Variants in GPC6 observed in about 807,000 individuals in gnomAD.
GPC6 encodes glypican-6.
GPC6 carries 14 observed loss-of-function variants against 55.2 expected under a neutral mutation model. The ratio of observed to expected loss-of-function variants is 0.25; its 90% CI spans 0.17 to 0.40. The LOEUF (loss-of-function observed/expected upper bound fraction) is 0.40, where lower values mean the gene tolerates loss of function less well. Ranked by LOEUF, GPC6 falls within the 10% of genes least tolerant of loss-of-function variation. The pLI is 1.00. For missense variants in GPC6, 641 were observed against 708.5 expected, an observed-to-expected ratio of 0.90 and a Z score of 1.08; for synonymous variants, 278 against 259.6, an observed-to-expected ratio of 1.07 and a Z score of -0.68.
At chr13:93,484,429 A>G (rs1879629809) in intron 1 of GPC6, among the ~76,000 whole-genome samples, 1 of 152,162 alleles carries the variant, frequency 6.6e-6, no homozygotes, top group African/African-American at 2.4e-5. Context: ...AAGGCTGTAT[A>G]TTCTGAAAGA....
At chr13:94,260,656 A>G (rs531850002) in intron 4 of GPC6, among the ~76,000 whole-genome samples, 85 of 152,276 alleles carry the variant, frequency 5.6e-4, no homozygotes, top group African/African-American at 2.0e-3. Flanking sequence ...GGAAGTTAGG[A>G]CTTCAGCATA....
intron 2 of GPC6, among the ~76,000 whole-genome samples, chr13:93,797,053 G>A (rs1389415776): frequency 6.6e-6 from 1 of 152,234 alleles, no homozygotes; most frequent in East Asian, 1.9e-4. Context: ...TTTTTCTTAA[G>A]TGAAAAGTAG....
intron 3 of GPC6, among the ~76,000 whole-genome samples, chr13:93,952,839 C>A (rs913986869): frequency 6.9e-6 from 1 of 144,800 alleles, no homozygotes; most frequent in Non-Finnish European, 1.5e-5. Context: ...ACGTATATAT[C>A]ACACATATAT....
chr13:93,334,140 G>C (rs1021717526), intron 1 of GPC6, among the ~76,000 whole-genome samples: 2 of 152,036 alleles, frequency 1.3e-5, no homozygotes, highest in Admixed American at 1.3e-4. Flanking sequence ...TAGTCCATCT[G>C]TTCCCTACCC....
At chr13:94,215,908 A>G (rs1890212585) in intron 4 of GPC6, among the ~76,000 whole-genome samples, 2 of 152,200 alleles carry the variant, frequency 1.3e-5, no homozygotes, top group Admixed American at 1.3e-4. Context: ...TAAAATAACC[A>G]TCAATATTTC....
At chr13:93,282,029 A>G (rs973110221) in intron 1 of GPC6, among the ~76,000 whole-genome samples, 9 of 152,210 alleles carry the variant, frequency 5.9e-5, no homozygotes, top group African/African-American at 2.2e-4. Context: ...TTATATGTGT[A>G]CTGATAAAGC....
chr13:94,358,531 A>G (rs192573499), intron 6 of GPC6, among the ~76,000 whole-genome samples: 3 of 152,320 alleles, frequency 2.0e-5, no homozygotes, highest in Admixed American at 6.5e-5. Flanking sequence ...ACAAAGTTGA[A>G]GTCACAGGGT....
At chr13:93,542,719 C>G (rs878975350) in intron 1 of GPC6, among the ~76,000 whole-genome samples, 2 of 152,114 alleles carry the variant, frequency 1.3e-5, no homozygotes, top group Admixed American at 1.3e-4. Flanking sequence ...ATTTGTAGTT[C>G]TCCTTGAAGA....
chr13:93,515,684 A>G (rs1403559983), intron 1 of GPC6, among the ~76,000 whole-genome samples: 4 of 152,204 alleles, frequency 2.6e-5, no homozygotes, highest in Non-Finnish European at 4.4e-5. Flanking sequence ...AAATATATTC[A>G]TTCTTACTAG....
At chr13:94,396,494 C>A (rs1172724168) in intron 7 of GPC6, among the ~76,000 whole-genome samples, 1 of 152,222 alleles carries the variant, frequency 6.6e-6, no homozygotes, top group Non-Finnish European at 1.5e-5. Context: ...CCAACTCACT[C>A]CTGCAGCTTC....
intron 2 of GPC6, among the ~76,000 whole-genome samples, chr13:93,600,484 G>C (rs1474654790): frequency 6.6e-6 from 1 of 152,258 alleles, no homozygotes; most frequent in East Asian, 1.9e-4. Flanking sequence ...CTTTCTAAGA[G>C]TGGGGAAATA....
At chr13:93,878,934 A>G (rs142554710) in intron 3 of GPC6, among the ~76,000 whole-genome samples, 48 of 152,282 alleles carry the variant, frequency 3.2e-4, no homozygotes, top group Middle Eastern at 3.4e-3. Flanking sequence ...AGCAAGAATT[A>G]GGAAAAGCAA....
chr13:94,179,319 G>A (rs1354217505), intron 4 of GPC6, among the ~76,000 whole-genome samples: 2 of 152,058 alleles, frequency 1.3e-5, no homozygotes, highest in Non-Finnish European at 2.9e-5. Flanking sequence ...TGTCTTATTG[G>A]CATTTACTTT....
intron 6 of GPC6, among the ~76,000 whole-genome samples, chr13:94,325,521 G>C (rs1877071207): frequency 6.6e-6 from 1 of 152,170 alleles, no homozygotes; most frequent in South Asian, 2.1e-4. Context: ...TATACTAATA[G>C]TATAATATCA....
intron 4 of GPC6, among the ~76,000 whole-genome samples, chr13:94,198,338 GA>G (rs1889645704): frequency 6.6e-6 from 1 of 152,136 alleles, no homozygotes; most frequent in South Asian, 2.1e-4. Context: ...TTCTTTTTAT[GA>G]ATAAGTAACT....
At chr13:93,569,188 T>A (rs1293667890) in intron 2 of GPC6, among the ~76,000 whole-genome samples, 3 of 152,122 alleles carry the variant, frequency 2.0e-5, no homozygotes, top group Non-Finnish European at 4.4e-5. Context: ...TAGTCTTTAT[T>A]CCTGAAGATA....
At chr13:94,129,551 C>G (rs902787337) in intron 4 of GPC6, among the ~76,000 whole-genome samples, 5 of 152,116 alleles carry the variant, frequency 3.3e-5, no homozygotes, top group Non-Finnish European at 5.9e-5. Flanking sequence ...GTGACCCAAT[C>G]CCCCACCAGA....
Position 93,455,768 on chromosome 13 carries a change from C to A in GPC6, c.161-89495C>A, listed in dbSNP as rs540899192. Among the ~76,000 whole-genome samples the A allele has an allele frequency of 7.9e-5, 12 of 152,218 alleles. No individual in the cohort carries two copies. In the South Asian group the frequency reaches 2.3e-3, roughly 29 times the overall value. ...CATGTTTCATTGTGTCTCTTTTCTCCATTCATCCTGTTAGTCTGCAAGTAT... is the reference window on the plus strand; with the variant it reads ...CATGTTTCATTGTGTCTCTTTTCTCAATTCATCCTGTTAGTCTGCAAGTAT... On this transcript the variant is annotated intron_variant, in intron 1 of 8. Coordinates refer to ENST00000377047, the MANE Select transcript of GPC6 (RefSeq NM_005708.5).
At chr13:93,728,990 G>GT (rs1361952177) in intron 2 of GPC6, among the ~76,000 whole-genome samples, 9 of 152,312 alleles carry the variant, frequency 5.9e-5, no homozygotes, top group African/African-American at 2.2e-4. Context: ...ATGAATAGAT[G>GT]TAAGTATAGC....
Sources: allele counts gnomAD v4.1 joint callset (sites outside exome capture counted in the v4.1 genomes callset), GRCh38; gene constraint gnomAD v4.1.1; transcripts MANE v1.5; gene names NCBI Gene and HGNC (gene_info 2026-07-23, HGNC 2026-07-21).